Variants in SLC16A2 observed in about 807,000 individuals in gnomAD.
The protein encoded by SLC16A2 is solute carrier family 16 member 2.
SLC16A2 carries 3 observed loss-of-function variants against 27.2 expected under a neutral mutation model. The observed-to-expected ratio is 0.11, with a 90% CI of 0.05 to 0.28. The LOEUF (loss-of-function observed/expected upper bound fraction) is 0.28. SLC16A2 is among the 10% of genes least tolerant of loss of function. The probability of loss-of-function intolerance (pLI) is 1.00; values close to 1 mark genes in which losing one functional copy is unlikely to be tolerated. For synonymous variants in SLC16A2, 202 were observed against 187.8 expected (o/e 1.08, Z -0.62); for missense variants, 295 against 458.5 (o/e 0.64, Z 3.26).
intron 1 of SLC16A2, among the ~76,000 whole-genome samples, chrX:74,430,462 T>C (rs1411045044): frequency 8.9e-6 from 1 of 111,907 alleles, no homozygotes; most frequent in Admixed American, 9.5e-5. Context: ...AATCAAAAGA[T>C]TGATAGTCTC....
intron 1 of SLC16A2, among the ~76,000 whole-genome samples, chrX:74,430,558 T>C (rs1027706719): frequency 1.8e-5 from 2 of 112,024 alleles, no homozygotes; most frequent in African/African-American, 3.2e-5. Context: ...GTCCAAAAGG[T>C]CCATAGAAAC....
chrX:74,518,691 G>A (rs1171028602), intron 1 of SLC16A2, among the ~76,000 whole-genome samples: 3 of 111,976 alleles, frequency 2.7e-5, no homozygotes, highest in Non-Finnish European at 3.8e-5. Context: ...GTGATGTTGA[G>A]CATCTTTTTA....
At chrX:74,511,190 A>AT (rs373216154) in intron 1 of SLC16A2, among the ~76,000 whole-genome samples, 17 of 108,963 alleles carry the variant, frequency 1.6e-4, no homozygotes, top group Admixed American at 4.9e-4. Flanking sequence ...TATTTATTTT[A>AT]TTTTTTTTTG....
chrX:74,431,108 A>T (rs1464510326), intron 1 of SLC16A2, among the ~76,000 whole-genome samples: 1 of 112,859 alleles, frequency 8.9e-6, no homozygotes, highest in Non-Finnish European at 1.9e-5. Context: ...CAATCCCATT[A>T]CTGGGTACAT....
chrX:74,430,095 C>T (rs1279913689), intron 1 of SLC16A2, among the ~76,000 whole-genome samples: 1 of 112,260 alleles, frequency 8.9e-6, no homozygotes, highest in Non-Finnish European at 1.9e-5. Context: ...TAATTGCCAA[C>T]ATTTATTTTA....
At chrX:74,519,735 A>C in intron 1 of SLC16A2, among the ~76,000 whole-genome samples, 1 of 69,278 alleles carries the variant, frequency 1.4e-5, no homozygotes, top group South Asian at 6.4e-4. Context: ...AAAAAACAAA[A>C]AAAAAACGAA....
At position 74,521,006 on chromosome X, in the gene SLC16A2, C is replaced by T. The variant is rs200444038; in HGVS notation, c.447C>T (p.Leu149=). 8.6e-4 allele frequency: 1,045 copies of T among 1,209,865 alleles called. 3 individuals carry two copies. The highest frequency in any genetic ancestry group is 9.4e-4 in the Non-Finnish European group (844 of 895,158). ...TCTCTGCAGCATGGGTCGGAGCCCT[C>T]GCGATGGGTATGATCTTCTTCTGTT... ...VEFQAAWVGA[L]AMGMIFFCSP... The change falls in exon 2 of 6, where the codon CTC becomes CTT. Residue 149 remains leucine, a synonymous_variant. Coordinates refer to ENST00000587091, the MANE Select transcript of SLC16A2 (RefSeq NM_006517.5).
In SLC16A2 at chrX:74,531,507, A is replaced by G. The variant is rs867151583; in HGVS notation, c.1574A>G (p.Asn525Ser). Reference protein sequence around the residue: ...DKMLAPDPDPNGELLPGSPNP... With the variant: ...DKMLAPDPDPSGELLPGSPNP... ...ATGTTGGCCCCTGACCCAGACCCCA[A>G]TGGGGAGCTACTGCCGGGCTCCCCC... The change falls in exon 6 of 6, where the codon AAT (asparagine) becomes AGT (serine). Residue 525 changes from asparagine to serine, a missense_variant. By Grantham distance (46) the Asn-to-Ser change is conservative. This residue lies in a region of SLC16A2 where 144 missense variants were observed against 219.8 expected (regional missense o/e 0.66). Transcript: ENST00000587091. 3.3e-6 allele frequency: 4 copies of G among 1,209,176 alleles called. No individual in the cohort carries two copies. The highest frequency in any genetic ancestry group is 2.7e-4 in the Middle Eastern group (1 of 3,754).
intron 1 of SLC16A2, among the ~76,000 whole-genome samples, chrX:74,448,267 G>C (rs1928872878): frequency 9.3e-6 from 1 of 107,858 alleles, no homozygotes; most frequent in Non-Finnish European, 1.9e-5. Context: ...TAATAGGACA[G>C]GTTTGGGAAC....
intron 1 of SLC16A2, among the ~76,000 whole-genome samples, chrX:74,429,186 G>C (rs1043135985): frequency 1.8e-5 from 2 of 111,405 alleles, no homozygotes; most frequent in Non-Finnish European, 3.8e-5. Context: ...GAAAAAAATA[G>C]GCCAGGCCCA....
chrX:74,520,262 AAG>A (rs200767411), intron 1 of SLC16A2, among the ~76,000 whole-genome samples: 1,227 of 111,967 alleles, frequency 0.011, 7 homozygotes, highest in Admixed American at 0.018. Context: ...TGGCGGAGAA[AAG>A]AGAGGCTCAA....
At chrX:74,512,256 C>G (rs899305880) in intron 1 of SLC16A2, among the ~76,000 whole-genome samples, 2 of 112,279 alleles carry the variant, frequency 1.8e-5, no homozygotes. Context: ...GGTGATGGGG[C>G]AGAAGCAAGT....
intron 1 of SLC16A2, among the ~76,000 whole-genome samples, chrX:74,443,310 G>A (rs1318600516): frequency 8.9e-6 from 1 of 111,818 alleles, no homozygotes; most frequent in African/African-American, 3.3e-5. Flanking sequence ...GTGGATATCT[G>A]ATTCCATATC....
At chrX:74,474,491 T>A (rs1267144374) in intron 1 of SLC16A2, among the ~76,000 whole-genome samples, 1 of 106,702 alleles carries the variant, frequency 9.4e-6, no homozygotes, top group Non-Finnish European at 1.9e-5. Context: ...TTTTTTTTTT[T>A]ATTATACTTT....
intron 1 of SLC16A2, among the ~76,000 whole-genome samples, chrX:74,447,967 C>A (rs773731149): frequency 9.0e-6 from 1 of 111,492 alleles, no homozygotes; most frequent in African/African-American, 3.3e-5. Context: ...GCCTGGGCGA[C>A]AGAGTGAGAC....
chrX:74,442,170 G>A (rs748716342), intron 1 of SLC16A2, among the ~76,000 whole-genome samples: 3 of 102,798 alleles, frequency 2.9e-5, no homozygotes, highest in South Asian at 4.8e-4. Context: ...AGAGGTTGCC[G>A]TGAGCCGAGA....
intron 1 of SLC16A2, among the ~76,000 whole-genome samples, chrX:74,503,000 C>A (rs1380095357): frequency 1.8e-5 from 2 of 109,750 alleles, no homozygotes; most frequent in Non-Finnish European, 3.8e-5. Flanking sequence ...AGGCCAAAAT[C>A]CTGGCAGGTT....
intron 1 of SLC16A2, among the ~76,000 whole-genome samples, chrX:74,462,578 A>G (rs927502963): frequency 5.4e-5 from 6 of 110,583 alleles, no homozygotes; most frequent in Admixed American, 9.7e-5. Flanking sequence ...TCAGCCTCCC[A>G]AAGTGCTGGG....
At chrX:74,505,590 C>T (rs939569626) in intron 1 of SLC16A2, among the ~76,000 whole-genome samples, 2 of 111,964 alleles carry the variant, frequency 1.8e-5, no homozygotes, top group South Asian at 3.7e-4. Context: ...TTCATGAAGT[C>T]GTAGCAGCAG....
Sources: gnomAD v4.1 joint callset for allele counts (sites outside exome capture counted in the v4.1 genomes callset) on GRCh38, gnomAD v4.1.1 for gene constraint, gnomAD v4.1.1 regional missense constraint, MANE v1.5 for transcripts, NCBI Gene and HGNC (gene_info 2026-07-23, HGNC 2026-07-21) for gene names.